Variants in FKBP15 observed in about 807,000 individuals in gnomAD.
FKBP15 encodes the protein FK506-binding protein 15.
In FKBP15, 106 loss-of-function variants were observed where a neutral mutation model predicts 158.1. The ratio of observed to expected loss-of-function variants is 0.67; its 90% CI spans 0.57 to 0.79. The LOEUF is 0.79. Ranked by LOEUF, FKBP15 falls within the 30% of genes least tolerant of loss-of-function variation. FKBP15 has a pLI of 0.00. For synonymous variants in FKBP15, 547 were observed against 548.6 expected (o/e 1.00, Z 0.04); for missense variants, 1,287 against 1,479.1 (o/e 0.87, Z 2.13).
intron 1 of FKBP15, among the ~76,000 whole-genome samples, chr9:113,220,497 T>C (rs945696514): frequency 7.9e-5 from 12 of 152,180 alleles, no homozygotes; most frequent in Admixed American, 3.3e-4. Flanking sequence ...GTCTGTTACG[T>C]TGGTTTTAAG....
intron 6 of FKBP15, 114 bp from the exon 7 acceptor site, chr9:113,200,077 T>A: frequency 8.1e-7 from 1 of 1,231,384 alleles, no homozygotes; most frequent in Non-Finnish European, 1.1e-6. Context: ...ACAGATTACA[T>A]GTTTAGAAGT....
chr9:113,191,634 T>C (rs890067461), intron 11 of FKBP15, among the ~76,000 whole-genome samples: 1 of 147,922 alleles, frequency 6.8e-6, no homozygotes, highest in Non-Finnish European at 1.5e-5. Flanking sequence ...TTCTGCATTA[T>C]ATATATATAT....
At position 113,169,764 on chromosome 9, in the gene FKBP15, A is replaced by T. The variant is rs1830171248; in HGVS notation, c.2945T>A (p.Val982Glu). 6.2e-7 allele frequency: 1 copy of T among 1,606,620 alleles called. No individual in the cohort carries two copies. Among genetic ancestry groups the T allele is most frequent in the Non-Finnish European group, 8.5e-7 (1 of 1,176,384 alleles). The part of the protein sequence containing the change: ...LNRERPESPM[V>E]PSEQVVEEAV... ...TTCCTCGACCACCTGCTCTGAGGGC[A>T]CCATGGGGGACTCTGGCCTCTCCCT... The change falls in exon 26 of 28, where the codon GTG becomes GAG. Residue 982 changes from valine to glutamate, a missense_variant. Val to Glu is a moderately radical substitution (Grantham distance 121, BLOSUM62 -2). Transcript: ENST00000238256.
At chr9:113,166,872 C>T (rs900279624) in intron 27 of FKBP15, among the ~76,000 whole-genome samples, 2 of 152,278 alleles carry the variant, frequency 1.3e-5, no homozygotes, top group East Asian at 1.9e-4. Flanking sequence ...AGGACCTACC[C>T]GGCTAGCAGG....
At chr9:113,202,910 C>T (rs2118930302) in intron 5 of FKBP15, 51 bp downstream of exon 5, 1 of 1,419,716 alleles carries the variant, frequency 7.0e-7, no homozygotes, top group Non-Finnish European at 9.9e-7. Context: ...CCAGTCTCTC[C>T]TGTAAACCTA....
chr9:113,169,155 C>G, intron 26 of FKBP15, 69 bp downstream of exon 26: 1 of 1,518,196 alleles, frequency 6.6e-7, no homozygotes, highest in Non-Finnish European at 8.8e-7. Flanking sequence ...GTTGCCAGCC[C>G]TGGAAAAAAC....
At chr9:113,208,005 T>C (rs1830926386) in intron 2 of FKBP15, among the ~76,000 whole-genome samples, 1 of 152,182 alleles carries the variant, frequency 6.6e-6, no homozygotes, top group Non-Finnish European at 1.5e-5. Flanking sequence ...GGGTGGGAAA[T>C]TCAGTAAGAT....
At chr9:113,208,251 C>T (rs902730136) in intron 2 of FKBP15, among the ~76,000 whole-genome samples, 4 of 152,038 alleles carry the variant, frequency 2.6e-5, no homozygotes, top group African/African-American at 9.7e-5. Flanking sequence ...GAGGAAGAAT[C>T]GCTTGAGCCT....
At position 113,171,693 on chromosome 9, in the gene FKBP15, T is replaced by C; in HGVS notation, c.2546A>G (p.Gln849Arg). The change falls in exon 24 of 28, where the codon CAG becomes CGG. Residue 849 changes from glutamine (Q) to arginine (R), a missense_variant. Physicochemically the swap from Gln to Arg is conservative, Grantham distance 43. Transcript: ENST00000238256. ...CTTGGTGAGAGCTGTGATTTGGGCC[T>C]GGAGGGCTAAACACTGCAAAACAAA... ...VQLQEKCLAL[Q>R]AQITALTKQN... 1 of 1,594,840 alleles carries C rather than the reference T, an allele frequency of 6.3e-7. No homozygotes were observed. The highest frequency in any genetic ancestry group is 8.5e-7 in the Non-Finnish European group (1 of 1,170,568).
At chr9:113,214,922 A>G (rs1168271113) in intron 1 of FKBP15, among the ~76,000 whole-genome samples, 1 of 152,226 alleles carries the variant, frequency 6.6e-6, no homozygotes, top group Non-Finnish European at 1.5e-5. Context: ...ACCTCTGCTC[A>G]CTTCCAGCTT....
intron 2 of FKBP15, among the ~76,000 whole-genome samples, chr9:113,210,582 C>T (rs966718170): frequency 2.0e-5 from 3 of 152,294 alleles, no homozygotes; most frequent in African/African-American, 7.2e-5. Flanking sequence ...CTGCTCACCT[C>T]GGCCTCCCGA....
Position 113,187,896 on chromosome 9 carries a change from G to A in FKBP15, c.1280C>T (p.Pro427Leu), listed in dbSNP as rs200525617. ...CTGGAGCCCAGTAACAGATGGCTGA[G>A]GTGCTAAGATAAAGGGAGACATTTT... is the stretch of plus-strand genomic sequence containing the variant. ...PALPQMTSQA[P>L]QPSVTGLQAP... Residue 427 changes from proline (P) to leucine (L), a missense_variant, in exon 14 of 28, where the codon CCT (proline) becomes CTT (leucine). Pro to Leu is a moderately conservative substitution (Grantham distance 98). Coordinates refer to ENST00000238256, the MANE Select transcript of FKBP15 (RefSeq NM_015258.2). 4.8e-5 allele frequency: 78 copies of A among 1,612,630 alleles called. No individual in the cohort carries two copies. Among genetic ancestry groups the A allele is most frequent in the Non-Finnish European group, 6.4e-5 (76 of 1,178,900 alleles).
chr9:113,203,972 C>T (rs768834691), intron 4 of FKBP15, among the ~76,000 whole-genome samples: 6 of 152,102 alleles, frequency 3.9e-5, no homozygotes, highest in Non-Finnish European at 5.9e-5. Flanking sequence ...ATGTAGTATT[C>T]TATTATGTGA....
chr9:113,178,629 C>T lies in FKBP15; in HGVS notation c.2086+1G>A. The T allele has an allele frequency of 1.2e-6, 2 of 1,607,326 alleles. No individual in the cohort carries two copies. Among genetic ancestry groups the T allele is most frequent in the Middle Eastern group, 1.8e-4 (1 of 5,412 alleles). ...CCCAGCATCCCCCACCTAGCACATACCTGAGAGCTTTGCCTGCACTTTGGT... is the reference window on the plus strand; with the variant it reads ...CCCAGCATCCCCCACCTAGCACATATCTGAGAGCTTTGCCTGCACTTTGGT... On this transcript the variant is annotated splice_donor_variant, in intron 20 of 27. Transcript: ENST00000238256. LOFTEE classifies it high-confidence loss of function.
chr9:113,171,925 T>C (rs1406387043), intron 23 of FKBP15, among the ~76,000 whole-genome samples: 2 of 152,116 alleles, frequency 1.3e-5, no homozygotes, highest in African/African-American at 2.4e-5. Context: ...GGTATACATG[T>C]GCCATGTTGG....
intron 2 of FKBP15, among the ~76,000 whole-genome samples, chr9:113,209,363 C>G (rs940680408): frequency 1.3e-5 from 2 of 152,148 alleles, no homozygotes; most frequent in Admixed American, 6.6e-5. Context: ...CTTTTTCTCC[C>G]ATTAACTCAA....
In FKBP15 at chr9:113,174,589, G is replaced by A; in HGVS notation, c.2224-6C>T. On this transcript the variant is annotated splice_polypyrimidine_tract_variant and splice_region_variant and intron_variant, in intron 21 of 27. Transcript: ENST00000238256. ...TTTTTCCTTTCTGAGAGGTTCTTAG[G>A]AACAAGAGAACCATCATCAGCTCTA... 1 of 1,613,154 alleles carries A rather than the reference G, an allele frequency of 6.2e-7. No homozygotes were observed.
chr9:113,215,858 C>T (rs1831120010), intron 1 of FKBP15, among the ~76,000 whole-genome samples: 1 of 150,486 alleles, frequency 6.6e-6, no homozygotes, highest in South Asian at 2.1e-4. Context: ...GCTATGTTGG[C>T]CAGGCTGGTT....
At chr9:113,191,224 G>A (rs1351157463) in intron 11 of FKBP15, among the ~76,000 whole-genome samples, 1 of 151,640 alleles carries the variant, frequency 6.6e-6, no homozygotes, top group African/African-American at 2.4e-5. Context: ...CCAGGTTGGA[G>A]TGCAGTGGCG....
Sources: gnomAD v4.1 joint callset for allele counts (sites outside exome capture counted in the v4.1 genomes callset) on GRCh38, gnomAD v4.1.1 for gene constraint, MANE v1.5 for transcripts, NCBI Gene and HGNC (gene_info 2026-07-23, HGNC 2026-07-21) for gene names.